The following FANCA variants were observed in gnomAD, a reference collection of about 807,000 sequenced individuals.
FANCA encodes the protein FA complementation group A.
A neutral mutation model predicts 194.3 loss-of-function variants in FANCA; 236 were observed. That is an observed-to-expected ratio of 1.21 (90% CI 1.09 to 1.35). The LOEUF (loss-of-function observed/expected upper bound fraction) is 1.35, where lower values mean the gene tolerates loss of function less well. Among genes scored for constraint, FANCA ranks in the 40% most tolerant of loss-of-function variants. The pLI, the probability that FANCA is intolerant of heterozygous loss-of-function variation, is 0.00. For synonymous variants in FANCA, 1,014 were observed against 715.8 expected, an observed-to-expected ratio of 1.42 and a Z score of -6.65; for missense variants, 2,628 against 1,813.9, an observed-to-expected ratio of 1.45 and a Z score of -8.15.
chr16:89,774,823 G>C (rs1428572677), intron 21 of FANCA, among the ~76,000 whole-genome samples: 2 of 151,320 alleles, frequency 1.3e-5, no homozygotes, highest in South Asian at 2.1e-4. Flanking sequence ...GCTGGGTACG[G>C]TTGCTCATGC....
At chr16:89,800,053 C>G (rs2040391479) in intron 8 of FANCA, among the ~76,000 whole-genome samples, 1 of 152,184 alleles carries the variant, frequency 6.6e-6, no homozygotes, top group Admixed American at 6.5e-5. Flanking sequence ...CCTCATAGAC[C>G]TAGAAATTAC....
chr16:89,740,934 A>C, intron 37 of FANCA, 68 bp from the exon 38 acceptor site: 3 of 1,385,616 alleles, frequency 2.2e-6, no homozygotes, highest in Non-Finnish European at 3.0e-6. Flanking sequence ...AATAAGGCTG[A>C]CACATTCCTC....
At chr16:89,754,191 C>T (rs957302002) in intron 30 of FANCA, among the ~76,000 whole-genome samples, 11 of 151,664 alleles carry the variant, frequency 7.3e-5, no homozygotes, top group Non-Finnish European at 1.5e-4. Context: ...CACTGCACTC[C>T]AGCCTGGGTG....
At chr16:89,741,723 G>C (rs980511496) in intron 37 of FANCA, among the ~76,000 whole-genome samples, 3 of 152,186 alleles carry the variant, frequency 2.0e-5, no homozygotes, top group African/African-American at 7.2e-5. Flanking sequence ...TATGGCTGCA[G>C]ACGGTCCCAT....
chr16:89,746,310 G>A (rs750888272), intron 35 of FANCA, among the ~76,000 whole-genome samples: 1 of 152,192 alleles, frequency 6.6e-6, no homozygotes, highest in East Asian at 1.9e-4. Flanking sequence ...TGGACATGAA[G>A]GTGCCCGTGG....
At position 89,758,969 on chromosome 16, in the gene FANCA, C is replaced by T. The variant is rs564168826; in HGVS notation, c.2853-264G>A. ...AAAGGCCACTCAGGATGACATCCCA[C>T]GGGGTAACTGCTGGCCACACAGCAC... is the stretch of plus-strand genomic sequence containing the variant. On this transcript the variant is annotated intron_variant, in intron 29 of 42. Transcript: ENST00000389301. Among the ~76,000 whole-genome samples, 8 of 152,128 alleles carry T rather than the reference C, an allele frequency of 5.3e-5. No homozygotes were observed. The East Asian group carries it at 9.7e-4, about 18-fold the overall frequency.
chr16:89,791,594 C>T lies in FANCA; in HGVS notation c.1226-58G>A, dbSNP rs557255147. ...GCAAGGGCAGCCAGCAGGAACATGA[C>T]GTGAGTTATGCTGGGTGATCAAGTA... is the stretch of plus-strand genomic sequence containing the variant. On this transcript the variant is annotated intron_variant, in intron 13 of 42. Coordinates refer to ENST00000389301, the MANE Select transcript of FANCA (RefSeq NM_000135.4). 109 of 1,607,396 alleles carry T rather than the reference C, an allele frequency of 6.8e-5. No individual in the cohort carries two copies. In the East Asian group the frequency reaches 2.1e-3, roughly 31 times the overall value.
chr16:89,737,799 C>T lies in FANCA; in HGVS notation c.*802G>A. 6.2e-7 allele frequency: 1 copy of T among 1,614,162 alleles called. No homozygotes were observed. The highest frequency in any genetic ancestry group is 1.1e-5 in the South Asian group (1 of 91,056). ...GGGCCTGGACTCACTGGACTCTCCC[C>T]TCTCAGAGGTGCGGAACTATATCTG... On this transcript the variant is annotated 3_prime_UTR_variant, in exon 43 of 43. Transcript: ENST00000389301.
In FANCA at chr16:89,784,803, A is replaced by T. The variant is rs767644586; in HGVS notation, c.1470+51T>A. On this transcript the variant is annotated intron_variant, in intron 15 of 42. Coordinates refer to ENST00000389301, the MANE Select transcript of FANCA (RefSeq NM_000135.4). Reference sequence around the variant, plus strand: ...GGAGGCCAAGGCAGTCCTCAGATGCAGCAGGTGAGCGAAGCACCAGAAATC... The same window carrying T: ...GGAGGCCAAGGCAGTCCTCAGATGCTGCAGGTGAGCGAAGCACCAGAAATC... 1.0e-5 allele frequency: 14 copies of T among 1,406,958 alleles called. 1 individual carries two copies. In the South Asian group the frequency reaches 1.6e-4, roughly 16 times the overall value. The allele number at this position is 1,406,958 out of a possible 1,614,324, so 87.2% of individuals were successfully genotyped here. A position where few individuals can be genotyped will look rare whatever the true frequency, so the allele number is the denominator to read the frequency against.
chr16:89,747,333 A>C (rs541749412), intron 33 of FANCA, among the ~76,000 whole-genome samples: 2 of 152,344 alleles, frequency 1.3e-5, no homozygotes, highest in South Asian at 4.1e-4. Context: ...ACAGCCATTC[A>C]TAAGAATTCA....
intron 3 of FANCA, among the ~76,000 whole-genome samples, chr16:89,812,964 CAG>C (rs1189967687): frequency 2.0e-5 from 3 of 149,126 alleles, no homozygotes; most frequent in Middle Eastern, 3.4e-3. Flanking sequence ...ACCCAGGAGG[CAG>C]AGTTTGTAGT....
chr16:89,773,421 T>G, intron 21 of FANCA, 37 bp from the exon 22 acceptor site: 1 of 1,389,308 alleles, frequency 7.2e-7, no homozygotes, highest in Non-Finnish European at 1.0e-6. Flanking sequence ...GGAAAGACAC[T>G]CAACAGGACT....
intron 3 of FANCA, among the ~76,000 whole-genome samples, chr16:89,811,531 G>A (rs1323404073): frequency 1.3e-5 from 2 of 152,108 alleles, no homozygotes; most frequent in Admixed American, 6.6e-5. Context: ...CCATGCACCT[G>A]GTGGGCAGGT....
intron 23 of FANCA, among the ~76,000 whole-genome samples, chr16:89,770,893 AG>A (rs1166320005): frequency 6.6e-6 from 1 of 152,162 alleles, no homozygotes; most frequent in Non-Finnish European, 1.5e-5. Flanking sequence ...CTTGTGTGTA[AG>A]GGGCCAGAAA....
intron 14 of FANCA, among the ~76,000 whole-genome samples, chr16:89,788,104 C>G (rs559548372): frequency 1.5e-4 from 23 of 152,176 alleles, no homozygotes; most frequent in African/African-American, 5.5e-4. Flanking sequence ...AACTACTGGG[C>G]TCAAGCAATC....
At chr16:89,752,362 C>T in intron 30 of FANCA, 140 bp from the exon 31 acceptor site, 1 of 757,878 alleles carries the variant, frequency 1.3e-6, no homozygotes, top group Non-Finnish European at 2.4e-6. Flanking sequence ...CAATAAACAA[C>T]AAAAACTGCC....
chr16:89,767,461 G>A (rs529338218), intron 26 of FANCA, among the ~76,000 whole-genome samples: 13 of 152,306 alleles, frequency 8.5e-5, no homozygotes, highest in African/African-American at 2.2e-4. Flanking sequence ...TCTGCCTCCC[G>A]GGTTCAAGCG....
intron 5 of FANCA, among the ~76,000 whole-genome samples, chr16:89,808,974 C>T (rs1476486361): frequency 1.3e-5 from 2 of 151,812 alleles, no homozygotes; most frequent in Non-Finnish European, 2.9e-5. Flanking sequence ...GGCGCCATCT[C>T]GGGTCACTGT....
intron 3 of FANCA, among the ~76,000 whole-genome samples, chr16:89,812,152 G>A (rs1001433801): frequency 6.7e-6 from 1 of 149,116 alleles, no homozygotes; most frequent in Admixed American, 6.7e-5. Flanking sequence ...TGGCTAACAC[G>A]GTGAAACCCT....
Sources: allele counts gnomAD v4.1 joint callset (sites outside exome capture counted in the v4.1 genomes callset), GRCh38; gene constraint gnomAD v4.1.1; transcripts MANE v1.5; gene names NCBI Gene and HGNC (gene_info 2026-07-23, HGNC 2026-07-21).